TRPC1: variants seen among roughly 807,000 people sequenced by gnomAD.
The protein encoded by TRPC1 is transient receptor potential cation channel subfamily C member 1.
In TRPC1, 42 loss-of-function variants were observed where a neutral mutation model predicts 88.2. The ratio of observed to expected loss-of-function variants is 0.48; its 90% CI spans 0.37 to 0.62. The LOEUF (loss-of-function observed/expected upper bound fraction) is 0.62, where lower values mean the gene tolerates loss of function less well. TRPC1 is among the 20% of genes least tolerant of loss of function. The pLI is 0.00. For missense variants in TRPC1, 699 were observed against 957.3 expected (o/e 0.73, Z 3.56); for synonymous variants, 288 against 331.8 (o/e 0.87, Z 1.43).
chr3:142,750,405 T>G (rs1934712670), intron 4 of TRPC1, among the ~76,000 whole-genome samples: 1 of 152,148 alleles, frequency 6.6e-6, no homozygotes, highest in Non-Finnish European at 1.5e-5. Flanking sequence ...CATTAAAAAG[T>G]CAGGAAACAG....
intron 7 of TRPC1, among the ~76,000 whole-genome samples, chr3:142,790,577 G>A (rs1208073745): frequency 6.6e-6 from 1 of 152,154 alleles, no homozygotes; most frequent in East Asian, 1.9e-4. Context: ...GATCATTAAA[G>A]TAGTAAGTAT....
intron 7 of TRPC1, among the ~76,000 whole-genome samples, chr3:142,790,280 A>T (rs1936256023): frequency 6.6e-6 from 1 of 152,138 alleles, no homozygotes; most frequent in Admixed American, 6.5e-5. Flanking sequence ...AAAGATTAGT[A>T]GGAGATGAGG....
chr3:142,777,327 A>G (rs1275153099), intron 4 of TRPC1, among the ~76,000 whole-genome samples: 1 of 152,188 alleles, frequency 6.6e-6, no homozygotes, highest in Non-Finnish European at 1.5e-5. Context: ...TGGTCCAGAA[A>G]TATGAATTTA....
chr3:142,751,889 T>A (rs1446247377), intron 4 of TRPC1, among the ~76,000 whole-genome samples: 1 of 152,220 alleles, frequency 6.6e-6, no homozygotes, highest in Non-Finnish European at 1.5e-5. Flanking sequence ...AAGTCTATTT[T>A]ACAAAGAGAT....
In TRPC1 at chr3:142,786,305, C is replaced by A. The variant is rs139752820; in HGVS notation, c.1297+1265C>A. Among the ~76,000 whole-genome samples, 856 of 152,154 alleles carry A rather than the reference C, an allele frequency of 5.6e-3. 10 individuals carry two copies. Among genetic ancestry groups the A allele is most frequent in the African/African-American group, 0.02 (827 of 41,526 alleles). ...GATTGTTTCAATTATTTAGTACTTTCATAAGTTATTTCACAATGTTCAATT... is the reference window on the plus strand; with the variant it reads ...GATTGTTTCAATTATTTAGTACTTTAATAAGTTATTTCACAATGTTCAATT... On this transcript the variant is annotated intron_variant, in intron 7 of 12. Coordinates refer to ENST00000476941, the MANE Select transcript of TRPC1 (RefSeq NM_001251845.2).
chr3:142,799,729 G>A (rs1161623605), intron 9 of TRPC1, among the ~76,000 whole-genome samples: 4 of 152,020 alleles, frequency 2.6e-5, no homozygotes, highest in South Asian at 2.1e-4. Flanking sequence ...AAGCCTAGGA[G>A]GTTAAGGCTA....
chr3:142,785,999 A>G (rs900980411), intron 7 of TRPC1, among the ~76,000 whole-genome samples: 1 of 152,174 alleles, frequency 6.6e-6, no homozygotes, highest in Non-Finnish European at 1.5e-5. Context: ...TAAGTATTAC[A>G]CTGTATAATA....
At chr3:142,750,300 A>G (rs1934708528) in intron 4 of TRPC1, among the ~76,000 whole-genome samples, 1 of 152,262 alleles carries the variant, frequency 6.6e-6, no homozygotes, top group Non-Finnish European at 1.5e-5. Context: ...TTCGGCCAAC[A>G]AACATATGAA....
intron 1 of TRPC1, among the ~76,000 whole-genome samples, chr3:142,730,372 A>G (rs1933850484): frequency 6.6e-6 from 1 of 152,152 alleles, no homozygotes; most frequent in Admixed American, 6.5e-5. Flanking sequence ...ATTATTATTA[A>G]TGGTCCTCAT....
rs1936788025 is a variant in TRPC1, at chr3:142,806,163, A to G, written c.2310A>G (p.Lys770=). 3.7e-6 allele frequency: 6 copies of G among 1,613,734 alleles called. No homozygotes were observed. The highest frequency in any genetic ancestry group is 1.7e-5 in the Admixed American group (1 of 59,960). The stretch of plus-strand genomic sequence containing the variant: ...ACGAACTGCGCCAAGATCTGTCAAA[A>G]TTCCGAAATGAAATAAGGGATTTAC... ...NLNELRQDLS[K]FRNEIRDLLG... The change falls in exon 13 of 13, where the codon AAA becomes AAG. Residue 770 remains lysine (K), a synonymous_variant. Coordinates refer to ENST00000476941, the MANE Select transcript of TRPC1 (RefSeq NM_001251845.2).
intron 5 of TRPC1, among the ~76,000 whole-genome samples, chr3:142,778,207 A>T (rs1017786734): frequency 2.0e-5 from 3 of 152,244 alleles, no homozygotes; most frequent in African/African-American, 7.2e-5. Context: ...GACATTCCAC[A>T]CACAGACATA....
chr3:142,801,020 C>G (rs1348968530), intron 9 of TRPC1, among the ~76,000 whole-genome samples: 1 of 151,862 alleles, frequency 6.6e-6, no homozygotes, highest in African/African-American at 2.4e-5. Flanking sequence ...CAGAAACTTC[C>G]TATGCATATT....
In TRPC1 at chr3:142,807,418, T is replaced by C. The variant is rs1403393930; in HGVS notation, c.*1183T>C. On this transcript the variant is annotated 3_prime_UTR_variant, in exon 13 of 13. Transcript: ENST00000476941. ...ATAAAGGGATGTAGCTAAAATGTTT[T>C]CATAGGCTATTATATATTCTCGCAG... is the stretch of plus-strand genomic sequence containing the variant. 1.3e-5 allele frequency: 2 copies of C among 152,190 alleles called. No individual in the cohort carries two copies. The highest frequency in any genetic ancestry group is 2.9e-5 in the Non-Finnish European group (2 of 68,038). 9.4% of individuals were successfully genotyped at this position (152,190 alleles called of 1,614,324 possible).
At chr3:142,747,291 T>C (rs1274675189) in intron 3 of TRPC1, among the ~76,000 whole-genome samples, 1 of 152,228 alleles carries the variant, frequency 6.6e-6, no homozygotes, top group Admixed American at 6.5e-5. Context: ...TCTGATTTTC[T>C]ACATTTTCAG....
chr3:142,743,213 ACT>A (rs1234255689), intron 2 of TRPC1, among the ~76,000 whole-genome samples: 1 of 152,080 alleles, frequency 6.6e-6, no homozygotes, highest in African/African-American at 2.4e-5. Flanking sequence ...ATGGATCAGC[ACT>A]GTTACTCTAA....
intron 4 of TRPC1, among the ~76,000 whole-genome samples, chr3:142,754,379 A>G (rs182085571): frequency 1.3e-5 from 2 of 152,270 alleles, no homozygotes; most frequent in Admixed American, 1.3e-4. Context: ...AAGATAGCAA[A>G]GAAATGGATT....
intron 4 of TRPC1, among the ~76,000 whole-genome samples, chr3:142,751,303 T>A (rs998991746): frequency 1.3e-5 from 2 of 152,334 alleles, no homozygotes; most frequent in East Asian, 1.9e-4. Flanking sequence ...TACCATTTTT[T>A]AATATTTTAT....
chr3:142,741,374 T>C (rs1306284707), intron 2 of TRPC1, among the ~76,000 whole-genome samples: 1 of 152,106 alleles, frequency 6.6e-6, no homozygotes, highest in Non-Finnish European at 1.5e-5. Flanking sequence ...TGTAAATCTT[T>C]ATTCCTTACT....
At chr3:142,797,984 G>A (rs16852615) in intron 9 of TRPC1, among the ~76,000 whole-genome samples, 7,594 of 152,122 alleles carry the variant, frequency 0.05, 248 homozygotes, top group East Asian at 0.14. Flanking sequence ...GCTGTTTCAG[G>A]TGTTTTGCAT....
Sources: gnomAD v4.1 joint callset for allele counts (sites outside exome capture counted in the v4.1 genomes callset) on GRCh38, gnomAD v4.1.1 for gene constraint, MANE v1.5 for transcripts, NCBI Gene and HGNC (gene_info 2026-07-23, HGNC 2026-07-21) for gene names.